The following SENP6 variants were observed in gnomAD, a reference collection of about 807,000 sequenced individuals.
SENP6 encodes sentrin-specific protease 6.
SENP6 carries 41 observed loss-of-function variants against 134.5 expected under a neutral mutation model. The ratio of observed to expected loss-of-function variants is 0.30; its 90% confidence interval spans 0.24 to 0.40. The LOEUF (loss-of-function observed/expected upper bound fraction) is 0.40, where lower values mean the gene tolerates loss of function less well. Ranked by LOEUF, SENP6 falls within the 10% of genes least tolerant of loss-of-function variation. The pLI is 1.00. For missense variants in SENP6, 1,248 were observed against 1,312.5 expected, an observed-to-expected ratio of 0.95 and a Z score of 0.76; for synonymous variants, 395 against 429.8, an observed-to-expected ratio of 0.92 and a Z score of 1.00.
chr6:75,623,871 A>G (rs1768460482), intron 2 of SENP6, 29 bp from the exon 3 acceptor site: 19 of 1,566,728 alleles, frequency 1.2e-5, no homozygotes, highest in Non-Finnish European at 1.6e-5. Context: ...ATTGCTACTT[A>G]TGTTTTTTTC....
chr6:75,616,181 T>C (rs1006292554), intron 1 of SENP6, among the ~76,000 whole-genome samples: 4 of 152,164 alleles, frequency 2.6e-5, no homozygotes, highest in Admixed American at 2.0e-4. Flanking sequence ...CCTTAACCTT[T>C]TTCTTTCCAT....
intron 3 of SENP6, among the ~76,000 whole-genome samples, chr6:75,625,112 C>CTTT (rs34953351): frequency 0.034 from 3,797 of 112,104 alleles, 319 homozygotes; most frequent in African/African-American, 0.08. Flanking sequence ...TGTGTGTGTC[C>CTTT]TTTTTTTTTT....
chr6:75,665,176 C>A (rs1371759068), intron 9 of SENP6, among the ~76,000 whole-genome samples: 2 of 151,944 alleles, frequency 1.3e-5, no homozygotes, highest in Admixed American at 1.3e-4. Context: ...GTCCCAGCTA[C>A]TCGGGAGGCT....
In SENP6 at chr6:75,644,728, G is replaced by T. The variant is rs138568607; in HGVS notation, c.480-3003G>T. Among the ~76,000 whole-genome samples the T allele has an allele frequency of 7.4e-3, 1,123 of 152,252 alleles. 9 individuals are homozygous for T. The highest frequency in any genetic ancestry group is 0.025 in the African/African-American group (1,041 of 41,566). On this transcript the variant is annotated intron_variant, in intron 6 of 23. Transcript: ENST00000447266. ...GCGAACTCCTGGCCTCAAGTGATCT[G>T]ACGGCCTTGGCCTCCCAAAGTGTTG...
rs1401318303 is a variant in SENP6, at chr6:75,666,827, A to G, written c.1110A>G (p.Val370=). ...CSSPAPSTGK[V]EAALNENTCR... ...CCCCTGCACCATCCACTGGAAAAGTAGAAGCAGCGCTAAATGAAAATACTT... is the reference window on the plus strand; with the variant it reads ...CCCCTGCACCATCCACTGGAAAAGTGGAAGCAGCGCTAAATGAAAATACTT... The change falls in exon 10 of 24, where the codon GTA becomes GTG. Residue 370 remains valine, a synonymous_variant. Transcript: ENST00000447266. 7 of 1,613,698 alleles carry G rather than the reference A, an allele frequency of 4.3e-6. No individual in the cohort carries two copies. In the Admixed American group the frequency reaches 8.3e-5, roughly 19 times the overall value.
At chr6:75,626,526 A>G (rs1027085987) in intron 3 of SENP6, among the ~76,000 whole-genome samples, 3 of 152,196 alleles carry the variant, frequency 2.0e-5, no homozygotes, top group Non-Finnish European at 4.4e-5. Flanking sequence ...GTAGATATTC[A>G]GTTTGTCCCT....
At chr6:75,687,113 C>A (rs1327273161) in intron 16 of SENP6, among the ~76,000 whole-genome samples, 1 of 152,018 alleles carries the variant, frequency 6.6e-6, no homozygotes, top group Non-Finnish European at 1.5e-5. Context: ...TTTTTTTTCT[C>A]TAACCTTGTC....
At chr6:75,609,849 A>T (rs962444248) in intron 1 of SENP6, among the ~76,000 whole-genome samples, 3 of 152,116 alleles carry the variant, frequency 2.0e-5, no homozygotes. Flanking sequence ...GCGCCATCTC[A>T]GCTCACTGGC....
intron 16 of SENP6, among the ~76,000 whole-genome samples, chr6:75,691,131 T>G (rs1436229902): frequency 1.3e-5 from 2 of 150,910 alleles, no homozygotes; most frequent in African/African-American, 4.9e-5. Context: ...GCGATTACCA[T>G]TCCCAGCTAA....
intron 20 of SENP6, 114 bp from the exon 21 acceptor site, chr6:75,711,214 G>A (rs1775724626): frequency 3.0e-6 from 2 of 659,368 alleles, no homozygotes. Flanking sequence ...CCTAAATAGA[G>A]AAAAAGTTTT....
At chr6:75,715,357 T>G (rs2149910225) in intron 23 of SENP6, 28 bp from the exon 24 acceptor site, 1 of 1,480,240 alleles carries the variant, frequency 6.8e-7, no homozygotes, top group Non-Finnish European at 9.3e-7. Context: ...ATTACAGTTT[T>G]CTAATACGCA....
intron 7 of SENP6, among the ~76,000 whole-genome samples, chr6:75,655,929 T>C (rs1389784289): frequency 1.3e-5 from 2 of 152,084 alleles, no homozygotes; most frequent in Non-Finnish European, 1.5e-5. Flanking sequence ...TAAAAAGACA[T>C]TGAGCTAGGC....
intron 3 of SENP6, among the ~76,000 whole-genome samples, chr6:75,629,160 A>G (rs1041355676): frequency 6.6e-6 from 1 of 152,256 alleles, no homozygotes; most frequent in Non-Finnish European, 1.5e-5. Flanking sequence ...AAGCTTTACC[A>G]AGATTTGAAT....
chr6:75,683,956 G>A (rs1252310657), intron 16 of SENP6, among the ~76,000 whole-genome samples: 1 of 152,066 alleles, frequency 6.6e-6, no homozygotes, highest in Admixed American at 6.6e-5. Context: ...AGCTTGATGG[G>A]GATGACATTG....
At chr6:75,708,547 C>T (rs916276411) in intron 19 of SENP6, among the ~76,000 whole-genome samples, 15 of 152,092 alleles carry the variant, frequency 9.9e-5, no homozygotes, top group African/African-American at 2.9e-4. Flanking sequence ...GTTCTGATTG[C>T]ATCACTGGAC....
At chr6:75,658,212 A>G (rs776937048) in intron 7 of SENP6, among the ~76,000 whole-genome samples, 5 of 152,172 alleles carry the variant, frequency 3.3e-5, no homozygotes, top group Non-Finnish European at 7.4e-5. Context: ...GTGTCTAGGA[A>G]AATAGACGTG....
chr6:75,658,839 G>T (rs1771540363), intron 7 of SENP6, among the ~76,000 whole-genome samples: 1 of 151,882 alleles, frequency 6.6e-6, no homozygotes, highest in Non-Finnish European at 1.5e-5. Flanking sequence ...GAGTGTGGTG[G>T]CACGTACCTG....
chr6:75,614,019 A>G (rs1314193489), intron 1 of SENP6, among the ~76,000 whole-genome samples: 1 of 152,188 alleles, frequency 6.6e-6, no homozygotes, highest in Admixed American at 6.6e-5. Context: ...ATTTTAAGAA[A>G]ACAGGGTGGT....
chr6:75,652,496 G>A (rs1446705362), intron 7 of SENP6, among the ~76,000 whole-genome samples: 1 of 151,452 alleles, frequency 6.6e-6, no homozygotes, highest in Non-Finnish European at 1.5e-5. Context: ...TAAAATTTGG[G>A]GGACAAATGA....
Sources: gnomAD v4.1 joint callset for allele counts (sites outside exome capture counted in the v4.1 genomes callset) on GRCh38, gnomAD v4.1.1 for gene constraint, MANE v1.5 for transcripts, NCBI Gene and HGNC (gene_info 2026-07-23, HGNC 2026-07-21) for gene names.